The following CPED1 variants were observed in gnomAD, a reference collection of about 807,000 sequenced individuals.
CPED1 encodes the protein cadherin-like and PC-esterase domain-containing protein 1.
CPED1 carries 114 observed loss-of-function variants against 128.2 expected under a neutral mutation model. The ratio of observed to expected loss-of-function variants is 0.89; its 90% confidence interval spans 0.76 to 1.04. CPED1 has a LOEUF of 1.04. Ranked by LOEUF, CPED1 falls within the 50% of genes least tolerant of loss-of-function variation. CPED1 has a pLI of 0.00. For missense variants in CPED1, 1,211 were observed against 1,207.1 expected (o/e 1.00, Z -0.05); for synonymous variants, 462 against 426.7 (o/e 1.08, Z -1.02).
At chr7:121,246,080 G>GC (rs1253326513) in intron 18 of CPED1, among the ~76,000 whole-genome samples, 2 of 152,096 alleles carry the variant, frequency 1.3e-5, no homozygotes, top group African/African-American at 4.8e-5. Context: ...AATAGCTGTT[G>GC]CCACACAGCC....
chr7:121,178,512 T>C (rs1796833361), intron 16 of CPED1, among the ~76,000 whole-genome samples: 1 of 152,054 alleles, frequency 6.6e-6, no homozygotes, highest in Non-Finnish European at 1.5e-5. Context: ...CAATTGACGA[T>C]GAATCATATG....
intron 18 of CPED1, among the ~76,000 whole-genome samples, chr7:121,259,860 G>A (rs1340450304): frequency 6.6e-6 from 1 of 152,008 alleles, no homozygotes; most frequent in African/African-American, 2.4e-5. Flanking sequence ...AAACTCAGCT[G>A]TTAAAACAGG....
At chr7:121,240,260 G>C (rs1354606289) in intron 17 of CPED1, among the ~76,000 whole-genome samples, 1 of 152,162 alleles carries the variant, frequency 6.6e-6, no homozygotes, top group African/African-American at 2.4e-5. Flanking sequence ...ATCCTTGGCA[G>C]CAAGTGGCCA....
chr7:121,217,813 A>G (rs1797790230), intron 16 of CPED1, among the ~76,000 whole-genome samples: 1 of 152,036 alleles, frequency 6.6e-6, no homozygotes, highest in Non-Finnish European at 1.5e-5. Flanking sequence ...GACTGGAGAA[A>G]AGTAGAACTT....
At chr7:120,992,871 A>C (rs1185655279) in intron 2 of CPED1, among the ~76,000 whole-genome samples, 2 of 152,172 alleles carry the variant, frequency 1.3e-5, no homozygotes, top group Non-Finnish European at 1.5e-5. Flanking sequence ...ATGGTGGGTG[A>C]CTTTACCCTG....
intron 5 of CPED1, among the ~76,000 whole-genome samples, chr7:121,088,792 A>AAAAAAAAAAAAAAAAT (rs1794508143): frequency 7.5e-6 from 1 of 133,010 alleles, no homozygotes; most frequent in Non-Finnish European, 1.7e-5. Flanking sequence ...AAAAAAAAAA[A>AAAAAAAAAAAAAAAAT]TTGAAAGTGT....
intron 22 of CPED1, among the ~76,000 whole-genome samples, chr7:121,288,332 G>A (rs2116785069): frequency 6.6e-6 from 1 of 152,170 alleles, no homozygotes; most frequent in South Asian, 2.1e-4. Context: ...AGTGTTGTTG[G>A]GCCAGCCACT....
At chr7:121,161,072 T>C (rs1472215837) in intron 16 of CPED1, among the ~76,000 whole-genome samples, 1 of 150,430 alleles carries the variant, frequency 6.6e-6, no homozygotes, top group Non-Finnish European at 1.5e-5. Flanking sequence ...TCCGTGTTAC[T>C]TTTTTTATTG....
At chr7:121,199,996 G>C (rs1318220273) in intron 16 of CPED1, among the ~76,000 whole-genome samples, 2 of 151,954 alleles carry the variant, frequency 1.3e-5, no homozygotes, top group African/African-American at 4.8e-5. Context: ...TATACTTACA[G>C]TGCATCTCAT....
chr7:121,202,569 T>C (rs534294175), intron 16 of CPED1, among the ~76,000 whole-genome samples: 2 of 152,236 alleles, frequency 1.3e-5, no homozygotes, highest in African/African-American at 2.4e-5. Flanking sequence ...TTTTCTACAG[T>C]TGGGCTCCAG....
intron 16 of CPED1, among the ~76,000 whole-genome samples, chr7:121,222,595 T>C (rs9719614): frequency 0.013 from 1,964 of 152,328 alleles, 14 homozygotes; most frequent in South Asian, 0.036. Context: ...GAGCATGAAA[T>C]GTTCTTCCGT....
intron 16 of CPED1, among the ~76,000 whole-genome samples, chr7:121,189,136 G>A (rs984198334): frequency 6.6e-5 from 10 of 152,000 alleles, no homozygotes; most frequent in African/African-American, 2.2e-4. Context: ...CTTTACTTCC[G>A]ACATTTTCCT....
At chr7:121,064,381 T>TGACCTGAG in intron 5 of CPED1, 68 bp downstream of exon 5, 2 of 1,074,296 alleles carry the variant, frequency 1.9e-6, no homozygotes, top group South Asian at 1.3e-5. Flanking sequence ...CAGAAGCAGC[T>TGACCTGAG]AACATGGTCT....
chr7:121,023,513 C>T (rs1317156994), intron 3 of CPED1, among the ~76,000 whole-genome samples: 4 of 151,998 alleles, frequency 2.6e-5, no homozygotes, highest in Admixed American at 6.6e-5. Flanking sequence ...TTCTGTGGTA[C>T]AATATAAGAC....
At chr7:121,003,373 G>C (rs1791916863) in intron 2 of CPED1, among the ~76,000 whole-genome samples, 1 of 152,136 alleles carries the variant, frequency 6.6e-6, no homozygotes, top group African/African-American at 2.4e-5. Context: ...ACAGAAGAAA[G>C]CCAAAAGCTA....
chr7:121,152,245 G>C (rs1182024029), intron 16 of CPED1, among the ~76,000 whole-genome samples: 2 of 151,950 alleles, frequency 1.3e-5, no homozygotes, highest in Non-Finnish European at 1.5e-5. Flanking sequence ...ACATCCCCCA[G>C]CTCCCCACCC....
chr7:121,133,191 T>G (rs1165298490), intron 12 of CPED1, among the ~76,000 whole-genome samples: 1 of 152,098 alleles, frequency 6.6e-6, no homozygotes, highest in African/African-American at 2.4e-5. Context: ...CCTGCTGTTC[T>G]TTATCATCAG....
intron 18 of CPED1, among the ~76,000 whole-genome samples, chr7:121,248,771 A>C (rs1188375698): frequency 6.6e-6 from 1 of 152,148 alleles, no homozygotes; most frequent in African/African-American, 2.4e-5. Context: ...CAATTTAAAA[A>C]CTAGAGTGTT....
At chr7:121,187,135 T>C (rs1418534161) in intron 16 of CPED1, among the ~76,000 whole-genome samples, 3 of 152,220 alleles carry the variant, frequency 2.0e-5, no homozygotes, top group Non-Finnish European at 4.4e-5. Context: ...TTTTATGATC[T>C]AGACATTAAA....
Sources: allele counts gnomAD v4.1 joint callset (sites outside exome capture counted in the v4.1 genomes callset), GRCh38; gene constraint gnomAD v4.1.1; transcripts MANE v1.5; gene names NCBI Gene and HGNC (gene_info 2026-07-23, HGNC 2026-07-21).